PLD4: variants seen among roughly 807,000 people sequenced by gnomAD.
PLD4 encodes phospholipase D family member 4.
Under a neutral mutation model 52.3 loss-of-function variants are expected in PLD4, and 54 were observed. That is an observed-to-expected ratio of 1.03 (90% CI 0.83 to 1.30). The LOEUF is 1.30. Among genes scored for constraint, PLD4 ranks in the 50% most tolerant of loss-of-function variants. The pLI is 0.00. For missense variants in PLD4, 731 were observed against 671.1 expected (o/e 1.09, Z -0.99); for synonymous variants, 264 against 286.5 (o/e 0.92, Z 0.79).
rs1306584618 is a variant in PLD4 at position 104,933,026 on chromosome 14, C to G, written c.*62C>G. The G allele has an allele frequency of 2.2e-5, 32 of 1,469,752 alleles. No homozygotes were observed. The East Asian group carries it at 8.2e-4, about 38-fold the overall frequency. The allele number at this position is 1,469,752 out of a possible 1,614,324, so 91.0% of individuals were successfully genotyped here. ...ACGCGCCCTCCCCTCTGACCCCGGC[C>G]TGGGCTTCAGCCGCTTCCTCCCGCA... On this transcript the variant is annotated 3_prime_UTR_variant, in exon 11 of 11. Coordinates refer to ENST00000392593, the MANE Select transcript of PLD4 (RefSeq NM_138790.5).
In PLD4 at chr14:104,928,094, T is replaced by C. The variant is rs1389658750; in HGVS notation, c.284+228T>C. On this transcript the variant is annotated intron_variant, in intron 3 of 10. Transcript: ENST00000392593. ...AACAGAGGCTGCCACCTGGGGGCTC[T>C]GACAGGCTGGAGAACACTGCCTGTG... 2.0e-5 allele frequency among the ~76,000 whole-genome samples: 3 copies of C among 152,034 alleles called. No homozygotes were observed. In the East Asian group the frequency reaches 5.8e-4, roughly 29 times the overall value.
chr14:104,932,532 G>T lies in PLD4; in HGVS notation c.1321+177G>T, dbSNP rs1166748948. ...ACCCGCCTGTCACCTGGCCCCACAG[G>T]GCCCCAGAACACTGAGTCAGGACGC... On this transcript the variant is annotated intron_variant, in intron 10 of 10. Coordinates refer to ENST00000392593, the MANE Select transcript of PLD4 (RefSeq NM_138790.5). The surrounding 1 kb of genome is among the most constrained non-coding windows in gnomAD (Gnocchi z 6.5). Among the ~76,000 whole-genome samples the T allele has an allele frequency of 6.6e-6, 1 of 152,198 alleles. No individual in the cohort carries two copies. The highest frequency in any genetic ancestry group is 1.9e-4 in the East Asian group (1 of 5,192).
chr14:104,933,294 G>A (rs867471733), downstream of PLD4: 4 of 251,422 alleles, frequency 1.6e-5, no homozygotes, highest in South Asian at 1.4e-4. Flanking sequence ...CCAAGGGCCC[G>A]CCTCTATGCG....
Position 104,930,068 on chromosome 14 carries a change from T to C in PLD4, c.680T>C (p.Met227Thr), listed in dbSNP as rs557651596. The C allele has an allele frequency of 3.3e-5, 54 of 1,613,554 alleles. No individual in the cohort carries two copies. In the South Asian group the frequency reaches 5.2e-4, roughly 15 times the overall value. ...FWVVDGRHIY[M>T]GSANMDWRSL... is the part of the protein sequence containing the mutation. ...GTTGTGGATGGACGGCACATATACA[T>C]GGGCAGTGCCAACATGGACTGGCGG... is the stretch of plus-strand genomic sequence containing the variant. The change falls in exon 6 of 11, where the codon ATG (methionine) becomes ACG (threonine). Residue 227 changes from methionine to threonine, a missense_variant. Physicochemically the swap from Met to Thr is moderately conservative, Grantham distance 81. Coordinates refer to ENST00000392593, the MANE Select transcript of PLD4 (RefSeq NM_138790.5).
At chr14:104,929,529 G>A (rs1897572675) in intron 5 of PLD4, 102 bp downstream of exon 5, 3 of 1,447,230 alleles carry the variant, frequency 2.1e-6, no homozygotes, top group Non-Finnish European at 2.7e-6. Flanking sequence ...TGGGAAAGGT[G>A]CCCTGGACTT....
At chr14:104,929,603 G>T (rs1274790336) in intron 5 of PLD4, among the ~76,000 whole-genome samples, 176 bp downstream of exon 5, 1 of 152,188 alleles carries the variant, frequency 6.6e-6, no homozygotes, top group Non-Finnish European at 1.5e-5. Flanking sequence ...GCTTCACCTG[G>T]GCACAGGGCT....
chr14:104,930,663 ATC>A, intron 6 of PLD4, 77 bp from the exon 7 acceptor site: 2 of 1,499,872 alleles, frequency 1.3e-6, no homozygotes, highest in Admixed American at 3.4e-5. Context: ...CTGCCCCAAC[ATC>A]CCTGGCCTGG....
rs778485913 is a variant in PLD4, at chr14:104,931,878, AC to A, written c.1055del (p.Pro352ArgfsTer57). 4 of 1,538,586 alleles carry A rather than the reference AC, an allele frequency of 2.6e-6. No individual in the cohort carries two copies. The highest frequency in any genetic ancestry group is 1.3e-5 in the South Asian group (1 of 79,856). Reference sequence around the variant, plus strand: ...TATTTCCCCACCACGCGCTTCAGCCACCCCCCGAGGTAGGTCTGAGTGGGAG... The same window carrying A: ...TATTTCCCCACCACGCGCTTCAGCCACCCCCGAGGTAGGTCTGAGTGGGAG... ...MEYFPTTRFS[H>X]PPRYWPVLDN... On this transcript the variant is annotated frameshift_variant, in exon 8 of 11. Coordinates refer to ENST00000392593, the MANE Select transcript of PLD4 (RefSeq NM_138790.5). LOFTEE classifies it high-confidence loss of function.
At chr14:104,925,236 T>G (rs1296825679) in intron 1 of PLD4, among the ~76,000 whole-genome samples, 3 of 152,250 alleles carry the variant, frequency 2.0e-5, no homozygotes, top group Non-Finnish European at 4.4e-5. Flanking sequence ...CCATGCCTAA[T>G]GCCCTGCAGG....
intron 5 of PLD4, among the ~76,000 whole-genome samples, chr14:104,929,732 C>T (rs995719757): frequency 3.3e-5 from 5 of 152,190 alleles, no homozygotes; most frequent in Admixed American, 1.3e-4. Flanking sequence ...TCTGGCTGGG[C>T]AGTGAGAGGC....
chr14:104,928,602 C>A, intron 3 of PLD4, 147 bp from the exon 4 acceptor site: 1 of 776,042 alleles, frequency 1.3e-6, no homozygotes, highest in African/African-American at 1.7e-5. Flanking sequence ...ATACCTTAAA[C>A]CCTTACCCTG....
downstream of PLD4, chr14:104,933,960 G>A (rs1267428163): frequency 1.2e-5 from 1 of 86,500 alleles, no homozygotes; most frequent in African/African-American, 5.3e-5. Context: ...AGGATGTGAG[G>A]CGATCCGGGG....
In PLD4 at chr14:104,932,128, G is replaced by C. The variant is rs1448768067; in HGVS notation, c.1175G>C (p.Arg392Pro). 1.2e-6 allele frequency: 2 copies of C among 1,611,454 alleles called. No individual in the cohort carries two copies. Among genetic ancestry groups the C allele is most frequent in the Non-Finnish European group, 1.7e-6 (2 of 1,179,386 alleles). Residue 392 changes from arginine to proline, a missense_variant, in exon 9 of 11, where the codon CGG becomes CCG. Arg to Pro is a moderately radical substitution (Grantham distance 103, BLOSUM62 -2). Transcript: ENST00000392593. This position sits in a 1 kb window ranked among gnomAD's most constrained non-coding sequence, Gnocchi z 6.5. ...GACCCCACCATGTTCCCCTACCTGC[G>C]GTCCCTGCAGGCGCTCAGCAACCCC... ...NTDPTMFPYL[R>P]SLQALSNPAA...
chr14:104,932,761 G>A lies in PLD4; in HGVS notation c.1322-4G>A, dbSNP rs1275227059. The A allele has an allele frequency of 1.3e-6, 2 of 1,552,150 alleles. No homozygotes were observed. The highest frequency in any genetic ancestry group is 1.7e-6 in the Non-Finnish European group (2 of 1,145,940). Reference sequence around the variant, plus strand: ...CCCCAGTGTCTCCTCCATCCTCCCCGCAGGCACCTCCAACTGGTCGGAGGA... The same window carrying A: ...CCCCAGTGTCTCCTCCATCCTCCCCACAGGCACCTCCAACTGGTCGGAGGA... On this transcript the variant is annotated splice_polypyrimidine_tract_variant and splice_region_variant and intron_variant, in intron 10 of 10. Coordinates refer to ENST00000392593, the MANE Select transcript of PLD4 (RefSeq NM_138790.5). The surrounding 1 kb of genome is among the most constrained non-coding windows in gnomAD (Gnocchi z 6.5).
intron 4 of PLD4, 153 bp downstream of exon 4, chr14:104,929,085 C>T: frequency 8.2e-7 from 1 of 1,221,804 alleles, no homozygotes; most frequent in Non-Finnish European, 1.1e-6. Context: ...CCTTTGGGGG[C>T]TCTAACAGCA....
Position 104,932,281 on chromosome 14 carries a change from G to T in PLD4, c.1247G>T (p.Gly416Val), listed in dbSNP as rs890343032. The T allele has an allele frequency of 6.2e-7, 1 of 1,612,598 alleles. No individual in the cohort carries two copies. Among genetic ancestry groups the T allele is most frequent in the African/African-American group, 1.3e-5 (1 of 74,922 alleles). Residue 416 changes from glycine (G) to valine (V), a missense_variant, in exon 10 of 11, where the codon GGG becomes GTG. Physicochemically the swap from Gly to Val is moderately radical, Grantham distance 109. Coordinates refer to ENST00000392593, the MANE Select transcript of PLD4 (RefSeq NM_138790.5). This position sits in a 1 kb window ranked among gnomAD's most constrained non-coding sequence, Gnocchi z 6.5. ...AAGAAAGTCTTCATCGTGCCGGTGG[G>T]GAACCATTCCAACATCCCATTCAGC... is the stretch of plus-strand genomic sequence containing the variant. ...VDVKVFIVPV[G>V]NHSNIPFSRV...
chr14:104,928,988 C>T (rs1012669247), intron 4 of PLD4, 56 bp downstream of exon 4: 3 of 1,545,982 alleles, frequency 1.9e-6, no homozygotes, highest in South Asian at 1.2e-5. Context: ...GCAAGTCAGG[C>T]TGCCTATCTA....
Position 104,931,848 on chromosome 14 carries a change from T to G in PLD4, c.1019T>G (p.Met340Arg). Residue 340 changes from methionine to arginine, a missense_variant, in exon 8 of 11, where the codon ATG becomes AGG. Physicochemically the swap from Met to Arg is moderately conservative, Grantham distance 91. Coordinates refer to ENST00000392593, the MANE Select transcript of PLD4 (RefSeq NM_138790.5). ...CAGGAGTTCATCTATGCCTCCGTGA[T>G]GGAGTATTTCCCCACCACGCGCTTC... ...SAQEFIYASVMEYFPTTRFSH... is the reference protein window; with the variant it reads ...SAQEFIYASVREYFPTTRFSH... 6.4e-7 allele frequency: 1 copy of G among 1,560,604 alleles called. No individual in the cohort carries two copies.
chr14:104,929,041 G>T lies in PLD4; in HGVS notation c.468+109G>T, dbSNP rs1897553248. The T allele has an allele frequency of 2.2e-6, 3 of 1,381,378 alleles. No individual in the cohort carries two copies. In the South Asian group the frequency reaches 4.2e-5, roughly 20 times the overall value. 85.6% of individuals were successfully genotyped at this position (1,381,378 alleles called of 1,614,324 possible). A position where few individuals can be genotyped will look rare whatever the true frequency, so the allele number is the denominator to read the frequency against. ...CCAGGCCCGGGGGCTCAGCTTGGTG[G>T]TAGGGTCTAGCATGGAACAGGGATT... On this transcript the variant is annotated intron_variant, in intron 4 of 10. Coordinates refer to ENST00000392593, the MANE Select transcript of PLD4 (RefSeq NM_138790.5).
Sources: gnomAD v4.1 joint callset for allele counts (sites outside exome capture counted in the v4.1 genomes callset) on GRCh38, gnomAD v4.1.1 for gene constraint, Gnocchi (gnomAD v3.1) non-coding constraint, MANE v1.5 for transcripts, NCBI Gene and HGNC (gene_info 2026-07-23, HGNC 2026-07-21) for gene names.